ITPR2: variants seen among roughly 807,000 people sequenced by gnomAD.
The protein encoded by ITPR2 is inositol 1,4,5-trisphosphate-gated calcium channel ITPR2.
In ITPR2, 207 loss-of-function variants were observed where a neutral mutation model predicts 317.1. That is an observed-to-expected ratio of 0.65 (90% CI 0.58 to 0.73). The LOEUF is 0.73. Ranked by LOEUF, ITPR2 falls within the 30% of genes least tolerant of loss-of-function variation. The pLI is 0.00. For missense variants in ITPR2, 2,613 were observed against 3,284.0 expected (o/e 0.80, Z 4.99); for synonymous variants, 1,156 against 1,149.1 (o/e 1.01, Z -0.12).
intron 45 of ITPR2, among the ~76,000 whole-genome samples, chr12:26,464,030 C>T (rs1942107916): frequency 1.3e-5 from 2 of 152,166 alleles, no homozygotes; most frequent in Non-Finnish European, 2.9e-5. Context: ...GCAAGCCCCA[C>T]CACAAAGCCT....
chr12:26,413,812 T>G (rs1002004290), intron 51 of ITPR2, among the ~76,000 whole-genome samples: 2 of 152,200 alleles, frequency 1.3e-5, no homozygotes, highest in African/African-American at 2.4e-5. Flanking sequence ...AAAAGGCATT[T>G]TTCCAAAGAA....
chr12:26,608,439 C>G (rs575118835), intron 26 of ITPR2, among the ~76,000 whole-genome samples: 27 of 152,250 alleles, frequency 1.8e-4, no homozygotes, highest in African/African-American at 6.5e-4. Flanking sequence ...AGCACCTCTG[C>G]CCGGCAGCCC....
At chr12:26,438,843 G>A (rs947171172) in intron 47 of ITPR2, among the ~76,000 whole-genome samples, 1 of 152,120 alleles carries the variant, frequency 6.6e-6, no homozygotes, top group Non-Finnish European at 1.5e-5. Flanking sequence ...TTCAACATTT[G>A]AAATGTACAG....
At chr12:26,724,534 G>A (rs183411747) in intron 4 of ITPR2, 122 bp downstream of exon 4, 23 of 681,048 alleles carry the variant, frequency 3.4e-5, no homozygotes, top group Admixed American at 2.7e-4. Flanking sequence ...TCACAACATC[G>A]ATAATTCCCA....
chr12:26,419,684 C>T (rs1940828904), intron 49 of ITPR2: 1 of 152,046 alleles, frequency 6.6e-6, no homozygotes, highest in African/African-American at 2.4e-5. Flanking sequence ...AATACAATGA[C>T]TCCTAAAAAT....
At chr12:26,655,655 G>T in intron 20 of ITPR2, 53 bp downstream of exon 20, 199 of 1,124,048 alleles carry the variant, frequency 1.8e-4, no homozygotes, top group Non-Finnish European at 2.2e-4. Flanking sequence ...ATACCTTCAT[G>T]AACTAAACTA....
chr12:26,497,299 G>A (rs1013731821), intron 37 of ITPR2, among the ~76,000 whole-genome samples: 1 of 151,466 alleles, frequency 6.6e-6, no homozygotes, highest in Non-Finnish European at 1.5e-5. Flanking sequence ...GACAACAGGT[G>A]CCCGCCACCA....
At chr12:26,513,542 C>CCTCT (rs150495475) in intron 37 of ITPR2, among the ~76,000 whole-genome samples, 12,025 of 149,982 alleles carry the variant, frequency 0.08, 1,116 homozygotes, top group East Asian at 0.44. Flanking sequence ...TTTGTTCAGA[C>CCTCT]CTCTCTCTCT....
At chr12:26,567,095 G>A (rs1945002106) in intron 34 of ITPR2, among the ~76,000 whole-genome samples, 1 of 152,176 alleles carries the variant, frequency 6.6e-6, no homozygotes, top group South Asian at 2.1e-4. Flanking sequence ...AAATTGGGGA[G>A]GAGATTGGGA....
chr12:26,369,190 A>G (rs138510242), intron 55 of ITPR2, among the ~76,000 whole-genome samples: 18 of 152,376 alleles, frequency 1.2e-4, no homozygotes, highest in African/African-American at 4.1e-4. Flanking sequence ...AGCTTGTAGG[A>G]CTGGACAAGA....
intron 55 of ITPR2, among the ~76,000 whole-genome samples, chr12:26,375,959 C>T (rs150240751): frequency 0.011 from 1,748 of 152,252 alleles, 34 homozygotes; most frequent in African/African-American, 0.038. Flanking sequence ...ATTAGCCAGG[C>T]ATGGTGGCGT....
At chr12:26,391,695 G>A (rs1046378231) in intron 54 of ITPR2, among the ~76,000 whole-genome samples, 2 of 150,938 alleles carry the variant, frequency 1.3e-5, no homozygotes, top group African/African-American at 4.9e-5. Flanking sequence ...CTCCCGAGTA[G>A]CTGGGGTTAC....
At chr12:26,639,551 T>C (rs1946936637) in intron 21 of ITPR2, among the ~76,000 whole-genome samples, 1 of 151,794 alleles carries the variant, frequency 6.6e-6, no homozygotes, top group African/African-American at 2.4e-5. Context: ...ACATGTGCCA[T>C]GTTGGTGTGC....
In ITPR2 at chr12:26,621,233, G is replaced by A; in HGVS notation, c.3352C>T (p.Gln1118Ter). 6.2e-7 allele frequency: 1 copy of A among 1,613,422 alleles called. No individual in the cohort carries two copies. The highest frequency in any genetic ancestry group is 8.5e-7 in the Non-Finnish European group (1 of 1,179,500). Residue 1118 changes from glutamine (Q) to a stop codon, truncating the protein, a stop_gained, in exon 26 of 57, where the codon CAG becomes TAG. Coordinates refer to ENST00000381340, the MANE Select transcript of ITPR2 (RefSeq NM_002223.4). LOFTEE classifies it high-confidence loss of function. ...NYKQIKADLD[Q>*]LRLTVEKSEL... ...GACTTTTCTACTGTCAGTCGAAGCTGGTCTAGATCTGCCTTGATTTGCTTG... is the reference window on the plus strand; with the variant it reads ...GACTTTTCTACTGTCAGTCGAAGCTAGTCTAGATCTGCCTTGATTTGCTTG...
rs1399173191 is a variant in ITPR2 at position 26,487,223 on chromosome 12, TG to T, written c.5398del (p.Gln1800LysfsTer15). Reference sequence around the variant, plus strand: ...TTTAAAGAATTTTTCTGACTTTTTTTGTTCATGCAACTGCTGGTAGAAAGAA... The same window carrying T: ...TTTAAAGAATTTTTCTGACTTTTTTTTTCATGCAACTGCTGGTAGAAAGAA... Reference protein sequence around the residue: ...QYSFYQQLHEQKKSEKFFKVL... With the variant: ...QYSFYQQLHEXKKSEKFFKVL... On this transcript the variant is annotated frameshift_variant, in exon 40 of 57. Coordinates refer to ENST00000381340, the MANE Select transcript of ITPR2 (RefSeq NM_002223.4). LOFTEE classifies it high-confidence loss of function. The T allele has an allele frequency of 6.2e-7, 1 of 1,604,058 alleles. No homozygotes were observed. The highest frequency in any genetic ancestry group is 2.2e-5 in the East Asian group (1 of 44,816).
At chr12:26,359,934 T>C (rs11048481) in intron 55 of ITPR2, among the ~76,000 whole-genome samples, 1 of 152,320 alleles carries the variant, frequency 6.6e-6, no homozygotes, top group East Asian at 1.9e-4. Context: ...GTATCCCAAA[T>C]ACCACTTTCG....
chr12:26,383,402 C>A (rs1041301722), intron 55 of ITPR2, among the ~76,000 whole-genome samples: 1 of 152,128 alleles, frequency 6.6e-6, no homozygotes, highest in African/African-American at 2.4e-5. Flanking sequence ...GGTAACAAAG[C>A]TGAAGCATTG....
At chr12:26,733,059 C>CGGT (rs1949051762) in intron 2 of ITPR2, among the ~76,000 whole-genome samples, 1 of 150,634 alleles carries the variant, frequency 6.6e-6, no homozygotes, top group Non-Finnish European at 1.5e-5. Context: ...AGGCCAGGCA[C>CGGT]GGTGGCTCAT....
intron 37 of ITPR2, among the ~76,000 whole-genome samples, chr12:26,510,338 A>G (rs1943307169): frequency 1.3e-5 from 2 of 152,202 alleles, no homozygotes; most frequent in African/African-American, 2.4e-5. Flanking sequence ...TGTGACAGAA[A>G]AGCCATAGTG....
Sources: gnomAD v4.1 joint callset for allele counts (sites outside exome capture counted in the v4.1 genomes callset) on GRCh38, gnomAD v4.1.1 for gene constraint, MANE v1.5 for transcripts, NCBI Gene and HGNC (gene_info 2026-07-23, HGNC 2026-07-21) for gene names.